The following POLRMT variants were observed in gnomAD, a reference collection of about 807,000 sequenced individuals.
The protein encoded by POLRMT is DNA-directed RNA polymerase, mitochondrial.
POLRMT carries 114 observed loss-of-function variants against 132.2 expected under a neutral mutation model. The observed-to-expected ratio is 0.86, with a 90% CI of 0.74 to 1.01. The LOEUF is 1.01. Ranked by LOEUF, POLRMT falls within the 50% of genes least tolerant of loss-of-function variation. The pLI is 0.00. For missense variants in POLRMT, 2,003 were observed against 1,729.1 expected (o/e 1.16, Z -2.81); for synonymous variants, 1,020 against 773.4 (o/e 1.32, Z -5.29).
Position 620,414 on chromosome 19 carries a change from A to C in POLRMT, c.2714T>G (p.Val905Gly). The C allele has an allele frequency of 6.3e-7, 1 of 1,592,718 alleles. No individual in the cohort carries two copies. Among genetic ancestry groups the C allele is most frequent in the Admixed American group, 1.7e-5 (1 of 57,740 alleles). Residue 905 changes from valine to glycine, a missense_variant, in exon 11 of 21, where the codon GTG becomes GGG. By Grantham distance (109) the Val-to-Gly change is moderately radical (BLOSUM62 -3). Coordinates refer to ENST00000588649, the MANE Select transcript of POLRMT (RefSeq NM_005035.4). ...LACCMEVANA[V>G]RASDPAAYVS... The stretch of plus-strand genomic sequence containing the variant: ...ATAGGCGGCAGGGTCGGAGGCGCGC[A>C]CAGCGTTCGCCACCTCCATACAGCA...
chr19:622,115 A>T, intron 9 of POLRMT, 34 bp downstream of exon 9: 1 of 1,498,226 alleles, frequency 6.7e-7, no homozygotes, highest in African/African-American at 1.4e-5. Flanking sequence ...TCCCAGCGGG[A>T]TGCCCCCCAG....
At position 617,459 on chromosome 19, in the gene POLRMT, GGC is replaced by G. The variant is rs769256761; in HGVS notation, c.3601_3602del (p.Ala1201GlnfsTer?). On this transcript the variant is annotated frameshift_variant, in exon 20 of 21. Transcript: ENST00000588649. LOFTEE classifies it low-confidence loss of function (END_TRUNC). ...FCSEPQKILEASQLKETLQAV... is the reference protein window; with the variant it reads ...FCSEPQKILEXSQLKETLQAV... ...CCTGCAGTGTCTCCTTCAGCTGGCT[GGC>G]CTCCAAGATCTTCTGGGGCCTGGGG... 1.9e-6 allele frequency: 3 copies of G among 1,611,928 alleles called. No homozygotes were observed. In the East Asian group the frequency reaches 6.7e-5, roughly 36 times the overall value.
intron 3 of POLRMT, among the ~76,000 whole-genome samples, chr19:626,864 T>C (rs1250233701): frequency 7.0e-6 from 1 of 143,134 alleles, no homozygotes; most frequent in East Asian, 2.0e-4. Flanking sequence ...GTCGACAGAC[T>C]TGGAGACTCT....
At chr19:628,631 T>TTG (rs1985190371) in intron 3 of POLRMT, among the ~76,000 whole-genome samples, 1 of 150,888 alleles carries the variant, frequency 6.6e-6, no homozygotes, top group Admixed American at 6.6e-5. Flanking sequence ...TGAAGGATCA[T>TTG]GGGGGGGGAG....
At chr19:620,628 C>G in intron 10 of POLRMT, 141 bp from the exon 11 acceptor site, 1 of 1,116,442 alleles carries the variant, frequency 9.0e-7, no homozygotes, top group Non-Finnish European at 1.2e-6. Context: ...GGGCGAGAGA[C>G]GGGGCGGTGG....
At position 624,919 on chromosome 19, in the gene POLRMT, G is replaced by A. The variant is rs2285854; in HGVS notation, c.954-14C>T. The stretch of plus-strand genomic sequence containing the variant: ...TGTTCCAGACACCTGTGGTGCAGGC[G>A]GCCTGCTCGAGGGACGGGCCAGCCC... On this transcript the variant is annotated splice_polypyrimidine_tract_variant and intron_variant, in intron 4 of 20. Coordinates refer to ENST00000588649, the MANE Select transcript of POLRMT (RefSeq NM_005035.4). 0.043 allele frequency: 68,592 copies of A among 1,596,094 alleles called. 3,156 individuals are homozygous for A. Among genetic ancestry groups the A allele is most frequent in the South Asian group, 0.21 (18,506 of 89,936 alleles).
At chr19:631,651 T>C (rs1405268679) in intron 2 of POLRMT, among the ~76,000 whole-genome samples, 4 of 151,620 alleles carry the variant, frequency 2.6e-5, no homozygotes, top group African/African-American at 9.7e-5. Context: ...AAAAAAAAAA[T>C]TGCTGAAATA....
chr19:628,117 G>C (rs1456767089), intron 3 of POLRMT, among the ~76,000 whole-genome samples: 1 of 152,166 alleles, frequency 6.6e-6, no homozygotes, highest in African/African-American at 2.4e-5. Flanking sequence ...GGAACGCTGG[G>C]AGAGGCAGGA....
chr19:628,539 A>G (rs1379563743), intron 3 of POLRMT, among the ~76,000 whole-genome samples: 1 of 152,220 alleles, frequency 6.6e-6, no homozygotes, highest in Non-Finnish European at 1.5e-5. Context: ...TAATATTGCG[A>G]TATCTGTATT....
intron 3 of POLRMT, among the ~76,000 whole-genome samples, chr19:628,955 G>A (rs1985214724): frequency 6.6e-6 from 1 of 152,060 alleles, no homozygotes; most frequent in Non-Finnish European, 1.5e-5. Context: ...CATGAGCCGA[G>A]ATCGCACCAC....
chr19:632,462 G>A (rs1015182361), intron 2 of POLRMT, among the ~76,000 whole-genome samples: 1 of 151,234 alleles, frequency 6.6e-6, no homozygotes, highest in Non-Finnish European at 1.5e-5. Flanking sequence ...CTACCCCCCA[G>A]AGCCAAGCCA....
rs1184441525 is a variant in POLRMT at position 633,418 on chromosome 19, G to C, written c.88+7C>G. 7 of 1,542,574 alleles carry C rather than the reference G, an allele frequency of 4.5e-6. No homozygotes were observed. Among genetic ancestry groups the C allele is most frequent in the Admixed American group, 3.7e-5 (2 of 54,586 alleles). ...CCGGGCTGCCTGGCCGTCTCCCTTT[G>C]TGTTACCTTCTTTGCCGGGGAGTCC... On this transcript the variant is annotated splice_region_variant and intron_variant, in intron 1 of 20. Coordinates refer to ENST00000588649, the MANE Select transcript of POLRMT (RefSeq NM_005035.4).
chr19:617,258 C>G lies in POLRMT; in HGVS notation c.*16G>C. The G allele has an allele frequency of 2.5e-6, 4 of 1,612,530 alleles. No individual in the cohort carries two copies. Among genetic ancestry groups the G allele is most frequent in the Non-Finnish European group, 3.4e-6 (4 of 1,179,778 alleles). On this transcript the variant is annotated 3_prime_UTR_variant, in exon 21 of 21. Coordinates refer to ENST00000588649, the MANE Select transcript of POLRMT (RefSeq NM_005035.4). ...CAAAAGAGCTTTATTTACACACTGA[C>G]AAGGCTCACGGGGTGTCAGCTGAAG...
rs2144613349 is a variant in POLRMT, at chr19:621,321, C to T, written c.2377G>A (p.Val793Ile). The change falls in exon 10 of 21, where the codon GTC (valine) becomes ATC (isoleucine). Residue 793 changes from valine (V) to isoleucine (I), a missense_variant. By Grantham distance (29) the Val-to-Ile change is conservative. Transcript: ENST00000588649. ...TCCATGTTGTGCGGCAGCCAGAAGA[C>T]GCGGTCCCGCAGGTGCTGCGCCAGC... Reference protein sequence around the residue: ...LSLAQHLRDRVFWLPHNMDFR... With the variant: ...LSLAQHLRDRIFWLPHNMDFR... 3 of 1,595,162 alleles carry T rather than the reference C, an allele frequency of 1.9e-6. No individual in the cohort carries two copies. The highest frequency in any genetic ancestry group is 2.6e-6 in the Non-Finnish European group (3 of 1,176,396).
At position 625,135 on chromosome 19, in the gene POLRMT, C is replaced by G. The variant is rs181287531; in HGVS notation, c.942G>C (p.Gly314=). The G allele has an allele frequency of 1.2e-6, 2 of 1,613,052 alleles. No individual in the cohort carries two copies. Among genetic ancestry groups the G allele is most frequent in the East Asian group, 4.5e-5 (2 of 44,860 alleles). Reference sequence around the variant, plus strand: ...CCGACACCACCTACCTTTCGATGGTCCCGGCGTCCTGGTCCTGCCTCCCCA... The same window carrying G: ...CCGACACCACCTACCTTTCGATGGTGCCGGCGTCCTGGTCCTGCCTCCCCA... The part of the protein sequence containing the change: ...QCMGRQDQDA[G]TIERCLEQMS... The change falls in exon 4 of 21, where the codon GGG becomes GGC. Residue 314 remains glycine (G), a synonymous_variant. Coordinates refer to ENST00000588649, the MANE Select transcript of POLRMT (RefSeq NM_005035.4).
At position 619,905 on chromosome 19, in the gene POLRMT, G is replaced by A. The variant is rs1315882565; in HGVS notation, c.2886+53C>T. ...GAGGGCACCTGGGGCCGAGACTCAG[G>A]GCTCACATTGCCCCCACGCCGAGAT... On this transcript the variant is annotated intron_variant, in intron 12 of 20. Transcript: ENST00000588649. 45 of 1,597,038 alleles carry A rather than the reference G, an allele frequency of 2.8e-5. No individual in the cohort carries two copies. In the Middle Eastern group the frequency reaches 6.7e-4, roughly 24 times the overall value.
intron 1 of POLRMT, 160 bp downstream of exon 1, chr19:633,265 C>G: frequency 1.1e-6 from 1 of 932,688 alleles, no homozygotes; most frequent in Non-Finnish European, 1.5e-6. Context: ...GAGCCTCAGT[C>G]GAAAAGCGGG....
rs1194615540 is a variant in POLRMT, at chr19:621,448, G to A, written c.2250C>T (p.Ala750=). 5 of 1,397,578 alleles carry A rather than the reference G, an allele frequency of 3.6e-6. No homozygotes were observed. Among genetic ancestry groups the A allele is most frequent in the South Asian group, 1.5e-5 (1 of 66,298 alleles). The allele number at this position is 1,397,578 out of a possible 1,614,324, so 86.6% of individuals were successfully genotyped here. ...GCAGCTCGGCCTTGCGGGCGGGCGC[G>A]GCGCTGTGCGGCAGGTGGGCCTCGG... ...QPPEAHLPHS[A]APARKAELRR... Residue 750 remains alanine (A), a synonymous_variant, in exon 10 of 21, where the codon GCC becomes GCT. Coordinates refer to ENST00000588649, the MANE Select transcript of POLRMT (RefSeq NM_005035.4).
intron 3 of POLRMT, 151 bp from the exon 4 acceptor site, chr19:625,405 CCCT>C (rs1984955333): frequency 2.0e-6 from 2 of 1,009,476 alleles, no homozygotes; most frequent in African/African-American, 1.6e-5. Context: ...CGATGCATCC[CCCT>C]GAGGTTCTGA....
Sources: gnomAD v4.1 joint callset for allele counts (sites outside exome capture counted in the v4.1 genomes callset) on GRCh38, gnomAD v4.1.1 for gene constraint, MANE v1.5 for transcripts, NCBI Gene and HGNC (gene_info 2026-07-23, HGNC 2026-07-21) for gene names.